LTN1: variants seen among roughly 807,000 people sequenced by gnomAD.
LTN1 encodes the protein listerin E3 ubiquitin protein ligase 1, also known as E3 ubiquitin-protein ligase listerin.
Under a neutral mutation model 201.2 loss-of-function variants are expected in LTN1, and 88 were observed. That is an observed-to-expected ratio of 0.44 (90% CI 0.37 to 0.52). The LOEUF is 0.52. LTN1 is among the 20% of genes least tolerant of loss of function. LTN1 has a pLI of 0.00. For synonymous variants in LTN1, 645 were observed against 713.5 expected (o/e 0.90, Z 1.53); for missense variants, 1,752 against 2,038.7 (o/e 0.86, Z 2.71).
Position 28,931,117 on chromosome 21 carries a change from C to A in LTN1, c.5238+38G>T, listed in dbSNP as rs767382124. 8.7e-5 allele frequency: 110 copies of A among 1,257,982 alleles called. 1 individual carries two copies. In the South Asian group the frequency reaches 9.6e-4, roughly 11 times the overall value. The allele number at this position is 1,257,982 out of a possible 1,614,324, so 77.9% of individuals were successfully genotyped here. ...TGTGTGTGTTTATGTGTATAAAATA[C>A]ATAAAATATAAGTAAGTTAATTTCT... On this transcript the variant is annotated intron_variant, in intron 29 of 29. Transcript: ENST00000361371.
chr21:28,960,766 A>G (rs894337579), intron 11 of LTN1, 60 bp from the exon 12 acceptor site: 1 of 1,153,702 alleles, frequency 8.7e-7, no homozygotes, highest in Non-Finnish European at 1.3e-6. Flanking sequence ...CTCTGTCCAA[A>G]ATATTACTTG....
At chr21:28,944,030 T>C (rs1247097362) in intron 22 of LTN1, 126 bp from the exon 23 acceptor site, 1 of 665,754 alleles carries the variant, frequency 1.5e-6, no homozygotes, top group Non-Finnish European at 2.6e-6. Context: ...AATAAAGCAG[T>C]CTTAACTAGA....
Position 28,932,630 on chromosome 21 carries a change from G to A in LTN1, c.4910C>T (p.Ala1637Val), listed in dbSNP as rs80172742. ...KARATTREVMATYTIEDIVIE... is the reference protein window; with the variant it reads ...KARATTREVMVTYTIEDIVIE... ...AACTATGTCCTCAATAGTATAAGTA[G>A]CCATTACCTCTCGAGTAGTAGCTCG... The change falls in exon 28 of 30, where the codon GCT becomes GTT. Residue 1637 changes from alanine to valine, a missense_variant. Ala to Val is a moderately conservative substitution (Grantham distance 64, BLOSUM62 0). This residue lies in a region of LTN1 where 261 missense variants were observed against 350.1 expected (regional missense o/e 0.75). Coordinates refer to ENST00000361371, the MANE Select transcript of LTN1 (RefSeq NM_015565.3). 1 of 1,612,986 alleles carries A rather than the reference G, an allele frequency of 6.2e-7. No homozygotes were observed. Among genetic ancestry groups the A allele is most frequent in the East Asian group, 2.2e-5 (1 of 44,856 alleles).
chr21:28,951,068 G>A (rs571167950), intron 18 of LTN1, among the ~76,000 whole-genome samples: 6 of 151,982 alleles, frequency 3.9e-5, no homozygotes, highest in African/African-American at 1.2e-4. Flanking sequence ...TGTAAACTAA[G>A]TCAACTGACT....
intron 6 of LTN1, 101 bp from the exon 7 acceptor site, chr21:28,971,545 A>G: frequency 9.9e-7 from 1 of 1,007,334 alleles, no homozygotes; most frequent in Non-Finnish European, 1.4e-6. Context: ...CCTCCCACTA[A>G]GAAAACTAAA....
intron 1 of LTN1, 77 bp from the exon 2 acceptor site, chr21:28,987,011 T>C (rs2084703699): frequency 1.1e-6 from 1 of 913,862 alleles, no homozygotes; most frequent in Admixed American, 2.2e-5. Context: ...CCTTGGCTAT[T>C]CCCATGGTCA....
intron 6 of LTN1, 100 bp downstream of exon 6, chr21:28,981,019 T>A (rs2084654211): frequency 1.6e-6 from 1 of 636,484 alleles, no homozygotes; most frequent in Non-Finnish European, 2.5e-6. Flanking sequence ...ACAGATGTGC[T>A]TGCAGAGTTC....
chr21:28,940,251 C>T (rs1271320062), intron 25 of LTN1, among the ~76,000 whole-genome samples: 1 of 152,180 alleles, frequency 6.6e-6, no homozygotes, highest in East Asian at 1.9e-4. Flanking sequence ...ATGATCTCAG[C>T]TCACTGCAAC....
chr21:28,952,445 G>A (rs1377546389), intron 17 of LTN1, among the ~76,000 whole-genome samples, 181 bp from the exon 18 acceptor site: 1 of 152,118 alleles, frequency 6.6e-6, no homozygotes, highest in Non-Finnish European at 1.5e-5. Flanking sequence ...TGAGAGTTTC[G>A]GCTTTCAACA....
At chr21:28,943,998 G>A (rs1601170288) in intron 22 of LTN1, 94 bp from the exon 23 acceptor site, 18 of 588,794 alleles carry the variant, frequency 3.1e-5, no homozygotes, top group Non-Finnish European at 4.4e-5. Context: ...TTAAGAAAAT[G>A]AAATAAAAAC....
At position 28,966,374 on chromosome 21, in the gene LTN1, G is replaced by A. The variant is rs1269434395; in HGVS notation, c.2117C>T (p.Thr706Ile). ...MERKKVLDDLTKVDLKWNSLL... is the reference protein window; with the variant it reads ...MERKKVLDDLIKVDLKWNSLL... ...AAAGATATACAACAGGAATACCTTG[G>A]TTAGATCATCCAAGACTTTTTTTCT... Residue 706 changes from threonine (T) to isoleucine (I), a missense_variant, in exon 10 of 30, where the codon ACC becomes ATC. By Grantham distance (89) the Thr-to-Ile change is moderately conservative (BLOSUM62 -1). Coordinates refer to ENST00000361371, the MANE Select transcript of LTN1 (RefSeq NM_015565.3). The A allele has an allele frequency of 5.0e-6, 8 of 1,603,256 alleles. No homozygotes were observed. The African/African-American group carries it at 8.1e-5, about 16-fold the overall frequency.
At chr21:28,972,739 G>A (rs1448319682) in intron 6 of LTN1, among the ~76,000 whole-genome samples, 1 of 152,096 alleles carries the variant, frequency 6.6e-6, no homozygotes, top group Non-Finnish European at 1.5e-5. Context: ...GAAGAATGAG[G>A]AAGGAAATAC....
Position 28,959,446 on chromosome 21 carries a change from G to A in LTN1, c.2593+12C>T. 6.2e-7 allele frequency: 1 copy of A among 1,609,020 alleles called. No individual in the cohort carries two copies. Among genetic ancestry groups the A allele is most frequent in the Non-Finnish European group, 8.5e-7 (1 of 1,176,780 alleles). ...AGATTCCCAACAAAACATTTGAGCA[G>A]TAGGCTATTACCTGGCAAATGTGTT... On this transcript the variant is annotated intron_variant, in intron 13 of 29. Transcript: ENST00000361371.
At chr21:28,944,312 T>G in intron 22 of LTN1, 71 bp downstream of exon 22, 1 of 1,178,566 alleles carries the variant, frequency 8.5e-7, no homozygotes, top group Middle Eastern at 2.1e-4. Context: ...ACATCAAAAT[T>G]TTTGCTTTTG....
chr21:28,989,230 C>G (rs529069221), intron 1 of LTN1, among the ~76,000 whole-genome samples: 2 of 152,084 alleles, frequency 1.3e-5, no homozygotes, highest in South Asian at 4.1e-4. Context: ...CTAATTATTG[C>G]TAACATCTAA....
chr21:28,970,858 G>T, intron 7 of LTN1, 116 bp from the exon 8 acceptor site: 1 of 700,134 alleles, frequency 1.4e-6, no homozygotes, highest in Non-Finnish European at 2.2e-6. Context: ...CCTAAAAAAA[G>T]CTAAAATCTT....
At chr21:28,965,361 G>C (rs1160319568) in intron 11 of LTN1, among the ~76,000 whole-genome samples, 1 of 152,110 alleles carries the variant, frequency 6.6e-6, no homozygotes. Context: ...AATTGTTTAT[G>C]TTCTTTCATT....
chr21:28,970,255 T>C (rs1312351705), intron 8 of LTN1, among the ~76,000 whole-genome samples: 1 of 152,214 alleles, frequency 6.6e-6, no homozygotes, highest in African/African-American at 2.4e-5. Context: ...GCTACATGTG[T>C]CTGTGGTGCA....
chr21:28,952,599 G>C (rs1029849838), intron 17 of LTN1, among the ~76,000 whole-genome samples: 4 of 152,178 alleles, frequency 2.6e-5, no homozygotes, highest in Admixed American at 1.3e-4. Context: ...AGGACACCTA[G>C]GCAGGCTTAA....
Sources: allele counts gnomAD v4.1 joint callset (sites outside exome capture counted in the v4.1 genomes callset), GRCh38; gene constraint gnomAD v4.1.1; regional missense constraint gnomAD v4.1.1; transcripts MANE v1.5; gene names NCBI Gene and HGNC (gene_info 2026-07-23, HGNC 2026-07-21).